VAPB: variants seen among roughly 807,000 people sequenced by gnomAD.
VAPB encodes vesicle-associated membrane protein-associated protein B/C.
In VAPB, 7 loss-of-function variants were observed where a neutral mutation model predicts 25.6. The observed-to-expected ratio is 0.27, with a 90% confidence interval of 0.16 to 0.51. The LOEUF (loss-of-function observed/expected upper bound fraction) is 0.51, where lower values mean the gene tolerates loss of function less well. Among genes scored for constraint, VAPB ranks in the 20% least tolerant of loss-of-function variants. The pLI is 0.97. For missense variants in VAPB, 266 were observed against 301.3 expected, an observed-to-expected ratio of 0.88 and a Z score of 0.87; for synonymous variants, 112 against 109.2, an observed-to-expected ratio of 1.03 and a Z score of -0.16.
Position 58,450,006 on chromosome 20 carries a change from T to G in VAPB, c.*5771T>G, listed in dbSNP as rs746524529. 1.7e-4 allele frequency: 75 copies of G among 454,084 alleles called. No homozygotes were observed. The highest frequency in any genetic ancestry group is 3.2e-4 in the Non-Finnish European group (72 of 226,782). 28.1% of individuals were successfully genotyped at this position (454,084 alleles called of 1,614,324 possible). Reference sequence around the variant, plus strand: ...TATCTTAACACAATTTCATCCAGGCTTAGTGCTAACAAGATTGCGGGGCTT... The same window carrying G: ...TATCTTAACACAATTTCATCCAGGCGTAGTGCTAACAAGATTGCGGGGCTT... On this transcript the variant is annotated 3_prime_UTR_variant, in exon 6 of 6. Transcript: ENST00000475243.
chr20:58,448,987 T>G lies in VAPB; in HGVS notation c.*4752T>G, dbSNP rs930879056. 2.2e-6 allele frequency: 1 copy of G among 454,112 alleles called. No homozygotes were observed. Among genetic ancestry groups the G allele is most frequent in the Non-Finnish European group, 4.4e-6 (1 of 226,788 alleles). The allele number at this position is 454,112 out of a possible 1,614,324, so 28.1% of individuals were successfully genotyped here. A position where few individuals can be genotyped will look rare whatever the true frequency, so the allele number is the denominator to read the frequency against. ...TAAAATTGGTATTACAGAAGGGCCCTGCTGAGGTTTGAAAACAGCTGAGCT... is the reference window on the plus strand; with the variant it reads ...TAAAATTGGTATTACAGAAGGGCCCGGCTGAGGTTTGAAAACAGCTGAGCT... On this transcript the variant is annotated 3_prime_UTR_variant, in exon 6 of 6. Coordinates refer to ENST00000475243, the MANE Select transcript of VAPB (RefSeq NM_004738.5).
rs375713162 is a variant in VAPB at position 58,412,576 on chromosome 20, CAA to C, written c.59-5622_59-5621del. On this transcript the variant is annotated intron_variant, in intron 1 of 5. Coordinates refer to ENST00000475243, the MANE Select transcript of VAPB (RefSeq NM_004738.5). The stretch of plus-strand genomic sequence containing the variant: ...TGGGTGACAGAGTGAGACTCTGTCT[CAA>C]AAAAAAAAAAAAGGTAAAATTATAT... 2.0e-4 allele frequency among the ~76,000 whole-genome samples: 18 copies of C among 90,738 alleles called. 1 individual carries two copies. Among genetic ancestry groups the C allele is most frequent in the South Asian group, 3.6e-4 (1 of 2,750 alleles). The allele number at this position is 90,738 out of a possible 152,430, so 59.5% of individuals were successfully genotyped here.
Position 58,428,329 on chromosome 20 carries a change from T to C in VAPB, c.212-6273T>C, listed in dbSNP as rs7265867. Among the ~76,000 whole-genome samples, 419 of 152,352 alleles carry C rather than the reference T, an allele frequency of 2.8e-3. 3 individuals are homozygous for C. The highest frequency in any genetic ancestry group is 9.6e-3 in the African/African-American group (401 of 41,584). On this transcript the variant is annotated intron_variant, in intron 2 of 5. Coordinates refer to ENST00000475243, the MANE Select transcript of VAPB (RefSeq NM_004738.5). ...TGTCTTCTGGTAACAGGCTTCTGTT[T>C]AGTGTAGTATCAGCAGATACATTTT...
intron 2 of VAPB, among the ~76,000 whole-genome samples, chr20:58,427,768 T>C (rs915893667): frequency 2.7e-5 from 4 of 149,238 alleles, no homozygotes; most frequent in Non-Finnish European, 4.5e-5. Flanking sequence ...ATGATGCAGA[T>C]GAAAGTGATC....
intron 3 of VAPB, 58 bp from the exon 4 acceptor site, chr20:58,438,886 GA>G: frequency 1.4e-6 from 2 of 1,454,866 alleles, no homozygotes; most frequent in Non-Finnish European, 1.9e-6. Flanking sequence ...GTTATAGGAA[GA>G]AAGTTATTCT....
intron 1 of VAPB, among the ~76,000 whole-genome samples, chr20:58,394,642 T>C (rs549624516): frequency 6.6e-6 from 1 of 152,272 alleles, no homozygotes; most frequent in Admixed American, 6.5e-5. Flanking sequence ...TAGTACCATT[T>C]ACTTCTGAAA....
At chr20:58,404,405 T>A (rs563963687) in intron 1 of VAPB, among the ~76,000 whole-genome samples, 1 of 152,328 alleles carries the variant, frequency 6.6e-6, no homozygotes, top group East Asian at 1.9e-4. Context: ...GCTCAAAGTG[T>A]ACTTTGCGTT....
intron 5 of VAPB, among the ~76,000 whole-genome samples, chr20:58,442,889 G>A (rs1293121297): frequency 1.3e-5 from 2 of 152,198 alleles, no homozygotes; most frequent in African/African-American, 2.4e-5. Context: ...GGAAGGAAAC[G>A]AAGAAAAGAA....
intron 1 of VAPB, among the ~76,000 whole-genome samples, chr20:58,403,304 A>T (rs1024087210): frequency 2.2e-4 from 34 of 152,120 alleles, no homozygotes; most frequent in Non-Finnish European, 8.8e-5. Flanking sequence ...TTGCATCGTT[A>T]GCCTATTACT....
At chr20:58,412,991 T>C (rs182793307) in intron 1 of VAPB, among the ~76,000 whole-genome samples, 1 of 152,352 alleles carries the variant, frequency 6.6e-6, no homozygotes, top group East Asian at 1.9e-4. Flanking sequence ...GACCTCTTCA[T>C]GTTGTGCTGG....
Position 58,448,727 on chromosome 20 carries a change from T to G in VAPB, c.*4492T>G. On this transcript the variant is annotated 3_prime_UTR_variant, in exon 6 of 6. Coordinates refer to ENST00000475243, the MANE Select transcript of VAPB (RefSeq NM_004738.5). ...ACACTAAAGTAAGTAGAATTAAGAC[T>G]GTAGTTCAGATGCTTTTTCTTTTTC... 2.2e-6 allele frequency: 1 copy of G among 454,040 alleles called. No homozygotes were observed. Among genetic ancestry groups the G allele is most frequent in the South Asian group, 1.6e-5 (1 of 64,474 alleles). The allele number at this position is 454,040 out of a possible 1,614,324, so 28.1% of individuals were successfully genotyped here.
rs966052820 is a variant in VAPB at position 58,444,671 on chromosome 20, C to T, written c.*436C>T. The T allele has an allele frequency of 4.4e-5, 20 of 454,558 alleles. 1 individual carries two copies. The highest frequency in any genetic ancestry group is 2.1e-4 in the East Asian group (3 of 14,404). 28.2% of individuals were successfully genotyped at this position (454,558 alleles called of 1,614,324 possible). A position where few individuals can be genotyped will look rare whatever the true frequency, so the allele number is the denominator to read the frequency against. On this transcript the variant is annotated 3_prime_UTR_variant, in exon 6 of 6. Coordinates refer to ENST00000475243, the MANE Select transcript of VAPB (RefSeq NM_004738.5). Reference sequence around the variant, plus strand: ...GGTCAGCTCCACACAGTAGTCCCCACGTGGCCCACTCCCGGCCCAGGCTGC... The same window carrying T: ...GGTCAGCTCCACACAGTAGTCCCCATGTGGCCCACTCCCGGCCCAGGCTGC...
intron 2 of VAPB, among the ~76,000 whole-genome samples, chr20:58,426,949 A>T (rs6026263): frequency 0.17 from 25,153 of 152,156 alleles, 2,264 homozygotes; most frequent in East Asian, 0.31. Flanking sequence ...TATAATGCAG[A>T]CGAAAGTGAT....
intron 1 of VAPB, among the ~76,000 whole-genome samples, chr20:58,394,057 A>T (rs527615547): frequency 2.0e-5 from 3 of 152,300 alleles, no homozygotes; most frequent in South Asian, 2.1e-4. Flanking sequence ...ATAACTGTGG[A>T]TGCATTTACT....
chr20:58,437,437 T>C (rs1989073395), intron 3 of VAPB, among the ~76,000 whole-genome samples: 1 of 152,244 alleles, frequency 6.6e-6, no homozygotes, highest in Non-Finnish European at 1.5e-5. Context: ...CTGTTGGTGA[T>C]GCTGTTTGAT....
chr20:58,409,904 T>TATATAC (rs1555811895), intron 1 of VAPB, among the ~76,000 whole-genome samples: 2 of 148,134 alleles, frequency 1.4e-5, no homozygotes, highest in African/African-American at 2.5e-5. Context: ...TTTATTCATA[T>TATATAC]ACACACACAC....
intron 1 of VAPB, among the ~76,000 whole-genome samples, chr20:58,398,979 G>A (rs896709746): frequency 3.9e-5 from 6 of 151,986 alleles, no homozygotes; most frequent in African/African-American, 1.5e-4. Context: ...ACTAGAGAAA[G>A]AGGCTTGAAA....
At chr20:58,407,074 A>G (rs1353960378) in intron 1 of VAPB, among the ~76,000 whole-genome samples, 2 of 152,220 alleles carry the variant, frequency 1.3e-5, no homozygotes, top group African/African-American at 4.8e-5. Flanking sequence ...TCTGTGAATA[A>G]TCTTCTACTG....
chr20:58,389,361 G>C lies in VAPB; in HGVS notation c.-99G>C. 1 of 856,392 alleles carries C rather than the reference G, an allele frequency of 1.2e-6. No homozygotes were observed. The highest frequency in any genetic ancestry group is 1.6e-6 in the Non-Finnish European group (1 of 618,514). The allele number at this position is 856,392 out of a possible 1,614,324, so 53.0% of individuals were successfully genotyped here. ...CCCGCCCGTGCCCCGACCGGTCCCC[G>C]CCTTTTTGTAAAACTTAAAGCGGGC... is the stretch of plus-strand genomic sequence containing the variant. On this transcript the variant is annotated 5_prime_UTR_variant, in exon 1 of 6. Transcript: ENST00000475243.
Sources: gnomAD v4.1 joint callset for allele counts (sites outside exome capture counted in the v4.1 genomes callset) on GRCh38, gnomAD v4.1.1 for gene constraint, MANE v1.5 for transcripts, NCBI Gene and HGNC (gene_info 2026-07-23, HGNC 2026-07-21) for gene names.